HLCS: variants seen among roughly 807,000 people sequenced by gnomAD.
HLCS encodes holocarboxylase synthetase, also known as biotin--protein ligase.
A neutral mutation model predicts 75.0 loss-of-function variants in HLCS; 53 were observed. That is an observed-to-expected ratio of 0.71 (90% CI 0.57 to 0.89). HLCS has a LOEUF of 0.89. HLCS is among the 40% of genes least tolerant of loss of function. The probability of loss-of-function intolerance (pLI) is 0.00; values close to 1 mark genes in which losing one functional copy is unlikely to be tolerated. For synonymous variants in HLCS, 431 were observed against 428.6 expected, an observed-to-expected ratio of 1.01 and a Z score of -0.07; for missense variants, 966 against 1,074.0, an observed-to-expected ratio of 0.90 and a Z score of 1.41.
intron 1 of HLCS, among the ~76,000 whole-genome samples, chr21:36,985,129 T>C (rs1407490507): frequency 6.6e-6 from 1 of 152,214 alleles, no homozygotes; most frequent in African/African-American, 2.4e-5. Flanking sequence ...TGCAGAAAAT[T>C]TAACACTGCA....
intron 9 of HLCS, among the ~76,000 whole-genome samples, chr21:36,757,591 A>G (rs767559534): frequency 6.6e-6 from 1 of 152,220 alleles, no homozygotes; most frequent in Non-Finnish European, 1.5e-5. Flanking sequence ...AAGAAAAAAA[A>G]TCCCCAAAAC....
intron 5 of HLCS, among the ~76,000 whole-genome samples, chr21:36,911,150 C>T (rs1171724071): frequency 2.6e-5 from 4 of 152,218 alleles, no homozygotes; most frequent in Admixed American, 2.6e-4. Context: ...TCTTTCCACA[C>T]AGCAGTAATG....
At chr21:36,783,947 T>G (rs2060612389) in intron 6 of HLCS, among the ~76,000 whole-genome samples, 1 of 152,162 alleles carries the variant, frequency 6.6e-6, no homozygotes. Context: ...ACTGTAAGAT[T>G]TCTCCAAGGT....
At chr21:36,791,832 C>T (rs1486460209) in intron 6 of HLCS, among the ~76,000 whole-genome samples, 1 of 151,964 alleles carries the variant, frequency 6.6e-6, no homozygotes, top group African/African-American at 2.4e-5. Context: ...TTGCAGCCTC[C>T]CACCCCACCC....
At chr21:36,941,209 CTCAA>C (rs781696216) in intron 2 of HLCS, among the ~76,000 whole-genome samples, 3 of 152,258 alleles carry the variant, frequency 2.0e-5, no homozygotes, top group South Asian at 2.1e-4. Flanking sequence ...AAGACTCTGT[CTCAA>C]TCAATCAATC....
chr21:36,807,827 T>C (rs1207207973), intron 6 of HLCS, among the ~76,000 whole-genome samples: 4 of 152,126 alleles, frequency 2.6e-5, no homozygotes, highest in Admixed American at 6.6e-5. Flanking sequence ...AGCAGACAGT[T>C]AGACATTAAC....
chr21:36,984,229 A>AG (rs61024034), intron 1 of HLCS, among the ~76,000 whole-genome samples: 140,549 of 152,088 alleles, frequency 0.92, 65,308 homozygotes, highest in Non-Finnish European at 0.97. Flanking sequence ...CTTATCCACA[A>AG]GGGTATGTTC....
intron 9 of HLCS, chr21:36,757,072 T>A: frequency 2.3e-6 from 1 of 443,128 alleles, no homozygotes; most frequent in Non-Finnish European, 3.0e-6. Context: ...CGTATCAGTG[T>A]TGCCTCTGAA....
intron 1 of HLCS, among the ~76,000 whole-genome samples, chr21:36,979,623 C>T (rs909567143): frequency 2.6e-5 from 4 of 152,052 alleles, no homozygotes; most frequent in Admixed American, 2.0e-4. Flanking sequence ...GGTGATAAAA[C>T]AGCAATACGG....
intron 10 of HLCS, among the ~76,000 whole-genome samples, chr21:36,755,627 T>C (rs2089536324): frequency 6.6e-6 from 1 of 152,252 alleles, no homozygotes; most frequent in South Asian, 2.1e-4. Flanking sequence ...TCACACACAT[T>C]ACATTTAGAT....
At chr21:36,855,156 T>C (rs1424717979) in intron 6 of HLCS, among the ~76,000 whole-genome samples, 1 of 152,156 alleles carries the variant, frequency 6.6e-6, no homozygotes, top group Admixed American at 6.5e-5. Context: ...TTCCGATGCA[T>C]ATTATTTTCT....
At chr21:36,839,097 G>C (rs1409265828) in intron 6 of HLCS, among the ~76,000 whole-genome samples, 1 of 152,224 alleles carries the variant, frequency 6.6e-6, no homozygotes, top group Non-Finnish European at 1.5e-5. Context: ...CCCGTCTTTA[G>C]AGCAATCTAA....
chr21:36,923,781 C>T (rs1382411482), intron 5 of HLCS, among the ~76,000 whole-genome samples: 2 of 152,158 alleles, frequency 1.3e-5, no homozygotes, highest in Non-Finnish European at 2.9e-5. Context: ...TGCAATTCAA[C>T]ATCAAAACCC....
chr21:36,772,315 T>C (rs1029991053), intron 6 of HLCS, among the ~76,000 whole-genome samples: 5 of 152,104 alleles, frequency 3.3e-5, no homozygotes, highest in African/African-American at 1.2e-4. Flanking sequence ...CGTAGAATGA[T>C]TCTCTTTATA....
chr21:36,759,171 A>C (rs919973958), intron 9 of HLCS: 5 of 470,992 alleles, frequency 1.1e-5, no homozygotes, highest in Non-Finnish European at 2.2e-5. Context: ...ACTGCCACAG[A>C]GTGAGGCTGA....
intron 6 of HLCS, among the ~76,000 whole-genome samples, chr21:36,821,311 T>C (rs2061834875): frequency 6.6e-6 from 1 of 152,146 alleles, no homozygotes; most frequent in Non-Finnish European, 1.5e-5. Context: ...TTTTTGTGTA[T>C]AGTAGGAGCA....
At chr21:36,779,644 T>A (rs374959541) in intron 6 of HLCS, among the ~76,000 whole-genome samples, 2 of 151,944 alleles carry the variant, frequency 1.3e-5, no homozygotes, top group South Asian at 4.2e-4. Context: ...TTGTTTACAG[T>A]TTTTTTTGCC....
intron 1 of HLCS, among the ~76,000 whole-genome samples, chr21:36,962,390 ATATCT>A (rs2068346825): frequency 6.6e-6 from 1 of 152,150 alleles, no homozygotes; most frequent in South Asian, 2.1e-4. Context: ...GACAGCTTTA[ATATCT>A]CTAGACCACT....
intron 6 of HLCS, among the ~76,000 whole-genome samples, chr21:36,869,010 C>T (rs560492818): frequency 2.6e-5 from 4 of 152,176 alleles, no homozygotes; most frequent in South Asian, 2.1e-4. Context: ...CGACTCCTCG[C>T]ATTCAAGTCT....
Sources: allele counts gnomAD v4.1 joint callset (sites outside exome capture counted in the v4.1 genomes callset), GRCh38; gene constraint gnomAD v4.1.1; transcripts MANE v1.5; gene names NCBI Gene and HGNC (gene_info 2026-07-23, HGNC 2026-07-21).